The following XRCC4 variants were observed in gnomAD, a reference collection of about 807,000 sequenced individuals.
XRCC4 encodes the protein DNA repair protein XRCC4.
A neutral mutation model predicts 39.1 loss-of-function variants in XRCC4; 28 were observed. That is an observed-to-expected ratio of 0.72 (90% CI 0.53 to 0.98). The LOEUF (loss-of-function observed/expected upper bound fraction) is 0.98. Among genes scored for constraint, XRCC4 ranks in the 50% least tolerant of loss-of-function variants. The pLI is 0.00. For missense variants in XRCC4, 350 were observed against 376.4 expected (o/e 0.93, Z 0.58); for synonymous variants, 123 against 126.4 (o/e 0.97, Z 0.18).
intron 7 of XRCC4, among the ~76,000 whole-genome samples, chr5:83,270,307 C>T (rs979110270): frequency 2.2e-4 from 33 of 152,180 alleles, no homozygotes; most frequent in Admixed American, 1.6e-3. Context: ...GGTTGGGGAC[C>T]ACTGGTCTAT....
chr5:83,324,199 A>G (rs1358224756), intron 7 of XRCC4, among the ~76,000 whole-genome samples: 3 of 152,142 alleles, frequency 2.0e-5, no homozygotes, highest in Non-Finnish European at 4.4e-5. Context: ...CGCAGAAAAT[A>G]TTAATAAGGT....
downstream of XRCC4, among the ~76,000 whole-genome samples, chr5:83,357,885 G>T (rs1757207661): frequency 6.6e-6 from 1 of 152,122 alleles, no homozygotes; most frequent in Non-Finnish European, 1.5e-5. Flanking sequence ...ATTATTTATA[G>T]AATCAATTTT....
intron 6 of XRCC4, among the ~76,000 whole-genome samples, chr5:83,206,238 A>T (rs142826805): frequency 8.5e-4 from 130 of 152,268 alleles, no homozygotes; most frequent in African/African-American, 3.0e-3. Context: ...AGAAGAAGAT[A>T]TAACAGATGG....
chr5:83,100,403 TAGA>T (rs1745875281), intron 1 of XRCC4, among the ~76,000 whole-genome samples: 1 of 152,128 alleles, frequency 6.6e-6, no homozygotes, highest in Non-Finnish European at 1.5e-5. Context: ...ATTGTGAAAG[TAGA>T]AGGAGTTACT....
At chr5:83,365,612 A>C in the XRCC4 span, among the ~76,000 whole-genome samples, 1 of 152,154 alleles carries the variant, frequency 6.6e-6, no homozygotes, top group Non-Finnish European at 1.5e-5. Context: ...TCATTTTCAG[A>C]GATACCATTC....
intron 7 of XRCC4, among the ~76,000 whole-genome samples, chr5:83,320,807 CTTT>C (rs869118508): frequency 7.3e-4 from 85 of 116,978 alleles, no homozygotes; most frequent in African/African-American, 2.4e-3. Flanking sequence ...TTATGTACTT[CTTT>C]TTTTTTTTTT....
At chr5:83,222,375 A>G (rs1752117287) in intron 6 of XRCC4, among the ~76,000 whole-genome samples, 1 of 152,160 alleles carries the variant, frequency 6.6e-6, no homozygotes, top group Admixed American at 6.6e-5. Context: ...ACTTCAGTGC[A>G]TTATTGCATT....
At chr5:83,368,686 C>T in the XRCC4 span, among the ~76,000 whole-genome samples, 6 of 152,128 alleles carry the variant, frequency 3.9e-5, no homozygotes, top group Admixed American at 3.3e-4. Context: ...CTTGTAGATC[C>T]TACGATAGTC....
chr5:83,123,977 G>A (rs1206868588), intron 3 of XRCC4, among the ~76,000 whole-genome samples: 3 of 152,036 alleles, frequency 2.0e-5, no homozygotes, highest in Admixed American at 2.0e-4. Context: ...GTAATACACA[G>A]AGGTCCTGTG....
intron 3 of XRCC4, among the ~76,000 whole-genome samples, chr5:83,168,999 C>T (rs1223382019): frequency 6.6e-6 from 1 of 152,082 alleles, no homozygotes; most frequent in Non-Finnish European, 1.5e-5. Flanking sequence ...TTGACTCTTG[C>T]AGCAGGGGTT....
chr5:83,254,781 A>T lies in XRCC4; in HGVS notation c.746-3749A>T, dbSNP rs114274989. On this transcript the variant is annotated intron_variant, in intron 6 of 7. Transcript: ENST00000396027. ...ATCACAATTGGAGGAAAGAGGCAGG[A>T]TGGGTTGAAATTTGAAAAATGTAGA... Among the ~76,000 whole-genome samples, 1,079 of 152,210 alleles carry T rather than the reference A, an allele frequency of 7.1e-3. 4 individuals carry two copies. Among genetic ancestry groups the T allele is most frequent in the Non-Finnish European group, 0.013 (857 of 67,986 alleles).
intron 6 of XRCC4, among the ~76,000 whole-genome samples, chr5:83,253,333 T>A (rs954905149): frequency 6.6e-6 from 1 of 152,146 alleles, no homozygotes; most frequent in African/African-American, 2.4e-5. Flanking sequence ...GGGAAACCAC[T>A]CATGGTTGGT....
At chr5:83,186,279 A>G (rs960298673) in intron 3 of XRCC4, among the ~76,000 whole-genome samples, 1 of 152,178 alleles carries the variant, frequency 6.6e-6, no homozygotes, top group Admixed American at 6.5e-5. Flanking sequence ...TAAAGGAGAA[A>G]ACCGTGAATT....
intron 1 of XRCC4, among the ~76,000 whole-genome samples, chr5:83,096,543 A>T (rs1745688725): frequency 6.6e-6 from 1 of 152,032 alleles, no homozygotes; most frequent in Admixed American, 6.5e-5. Context: ...TCCAGGTGCA[A>T]GTTTGTACCC....
intron 7 of XRCC4, among the ~76,000 whole-genome samples, chr5:83,266,938 A>G (rs1296497112): frequency 6.6e-6 from 1 of 152,190 alleles, no homozygotes; most frequent in East Asian, 1.9e-4. Context: ...TATGAATAGA[A>G]CAATGAAGGA....
At chr5:83,343,978 A>G (rs934084920) in intron 7 of XRCC4, among the ~76,000 whole-genome samples, 1 of 152,130 alleles carries the variant, frequency 6.6e-6, no homozygotes, top group Non-Finnish European at 1.5e-5. Flanking sequence ...CCATGTCACC[A>G]TCTTCACAAT....
intron 1 of XRCC4, among the ~76,000 whole-genome samples, chr5:83,093,461 G>GT (rs1184687530): frequency 6.6e-6 from 1 of 151,946 alleles, no homozygotes; most frequent in Non-Finnish European, 1.5e-5. Context: ...GAAATGAACC[G>GT]TAACAGACAT....
intron 6 of XRCC4, among the ~76,000 whole-genome samples, chr5:83,214,989 A>G (rs1751801726): frequency 6.6e-6 from 1 of 152,128 alleles, no homozygotes; most frequent in Non-Finnish European, 1.5e-5. Context: ...GTTGAGAGAA[A>G]TTAAAGAAGA....
chr5:83,207,544 C>A (rs1751466873), intron 6 of XRCC4, among the ~76,000 whole-genome samples: 1 of 151,964 alleles, frequency 6.6e-6, no homozygotes, highest in Non-Finnish European at 1.5e-5. Context: ...TAGAACTTTA[C>A]CCTTTTTCTT....
Sources: gnomAD v4.1 joint callset for allele counts (sites outside exome capture counted in the v4.1 genomes callset) on GRCh38, gnomAD v4.1.1 for gene constraint, MANE v1.5 for transcripts, NCBI Gene and HGNC (gene_info 2026-07-23, HGNC 2026-07-21) for gene names.